NREP: variants seen among roughly 807,000 people sequenced by gnomAD.
NREP encodes neuronal regeneration-related protein.
A neutral mutation model predicts 8.6 loss-of-function variants in NREP; 5 were observed. The observed-to-expected ratio is 0.58, with a 90% CI of 0.30 to 1.22. The LOEUF is 1.22. NREP is among the 50% of genes most tolerant of loss of function. The pLI is 0.07. For missense variants in NREP, 86 were observed against 82.5 expected (o/e 1.04, Z -0.17); for synonymous variants, 27 against 28.0 (o/e 0.96, Z 0.11).
intron 2 of NREP, among the ~76,000 whole-genome samples, chr5:111,939,039 A>G (rs764678193): frequency 6.6e-6 from 1 of 152,044 alleles, no homozygotes; most frequent in Non-Finnish European, 1.5e-5. Context: ...TCTATCTAGG[A>G]TAGACTCACA....
intron 2 of NREP, among the ~76,000 whole-genome samples, chr5:111,943,174 T>C (rs537764541): frequency 6.6e-6 from 1 of 152,176 alleles, no homozygotes. Flanking sequence ...CAATATTATA[T>C]GAATAAAGCT....
chr5:111,782,270 C>T (rs12651873), intron 2 of NREP, among the ~76,000 whole-genome samples: 1 of 152,172 alleles, frequency 6.6e-6, no homozygotes, highest in Non-Finnish European at 1.5e-5. Context: ...ACAAAAAGTT[C>T]TGCAGTATAT....
At chr5:111,805,752 C>A (rs1438392226) in intron 2 of NREP, among the ~76,000 whole-genome samples, 1 of 133,394 alleles carries the variant, frequency 7.5e-6, no homozygotes, top group African/African-American at 2.8e-5. Flanking sequence ...ATGTTTACTA[C>A]ACAGAGATAG....
chr5:111,821,876 AT>A (rs905475604), intron 2 of NREP, among the ~76,000 whole-genome samples: 1 of 151,828 alleles, frequency 6.6e-6, no homozygotes, highest in South Asian at 2.1e-4. Context: ...ATATTTATGT[AT>A]TTTTTTTCTG....
chr5:111,856,554 C>T (rs1162316027), intron 2 of NREP, among the ~76,000 whole-genome samples: 1 of 152,066 alleles, frequency 6.6e-6, no homozygotes, highest in Non-Finnish European at 1.5e-5. Flanking sequence ...ACCAAATCTC[C>T]ATCTGAATTC....
chr5:111,757,101 G>T, intron 1 of NREP, 35 bp downstream of exon 1: 1 of 642,424 alleles, frequency 1.6e-6, no homozygotes, highest in Non-Finnish European at 1.9e-6. Context: ...AGAAACCAGC[G>T]CTCCCAGCCG....
At chr5:111,879,576 A>T (rs1177763204) in intron 2 of NREP, among the ~76,000 whole-genome samples, 1 of 152,150 alleles carries the variant, frequency 6.6e-6, no homozygotes, top group African/African-American at 2.4e-5. Context: ...TATTCCCACC[A>T]TATACTCAGT....
At chr5:111,890,615 G>A (rs1754370412) in intron 2 of NREP, among the ~76,000 whole-genome samples, 1 of 152,210 alleles carries the variant, frequency 6.6e-6, no homozygotes, top group Admixed American at 6.5e-5. Context: ...AGGTTCCCAA[G>A]CCTCAATTGT....
At chr5:111,890,812 C>A (rs544652258) in intron 2 of NREP, among the ~76,000 whole-genome samples, 1 of 152,210 alleles carries the variant, frequency 6.6e-6, no homozygotes, top group Non-Finnish European at 1.5e-5. Context: ...GCCTGACCCA[C>A]GAAACCATTC....
At chr5:111,826,567 C>T (rs1752633377) in intron 2 of NREP, among the ~76,000 whole-genome samples, 1 of 152,206 alleles carries the variant, frequency 6.6e-6, no homozygotes, top group Admixed American at 6.5e-5. Context: ...GACACACCAT[C>T]TTTAAGAACT....
At chr5:111,731,086 A>AAAAG (rs1449672053) in intron 3 of NREP, 40 bp from the exon 4 acceptor site, 2 of 1,598,816 alleles carry the variant, frequency 1.3e-6, no homozygotes, top group African/African-American at 1.3e-5. Context: ...AGACACACAT[A>AAAAG]AAAGACAAAA....
intron 2 of NREP, among the ~76,000 whole-genome samples, chr5:111,931,651 G>C (rs989819458): frequency 6.6e-5 from 10 of 152,092 alleles, no homozygotes; most frequent in African/African-American, 2.4e-4. Flanking sequence ...AAGTTTTGGG[G>C]ACATTTGTTA....
At chr5:111,746,769 C>T (rs1038152202) in intron 2 of NREP, among the ~76,000 whole-genome samples, 43 of 152,074 alleles carry the variant, frequency 2.8e-4, no homozygotes, top group African/African-American at 8.9e-4. Context: ...ACCAAATCCC[C>T]GGAAGTCTAC....
chr5:111,884,598 C>A (rs1328436869), intron 2 of NREP, among the ~76,000 whole-genome samples: 1 of 147,392 alleles, frequency 6.8e-6, no homozygotes, highest in East Asian at 1.9e-4. Flanking sequence ...AAACCGAATC[C>A]AGCAGCACAT....
intron 2 of NREP, among the ~76,000 whole-genome samples, chr5:111,794,567 C>A (rs557416535): frequency 1.3e-5 from 2 of 152,084 alleles, no homozygotes; most frequent in East Asian, 3.9e-4. Context: ...GTGAAAGAAG[C>A]CAATCTGAAG....
chr5:111,914,715 G>C (rs1038830572), intron 2 of NREP, among the ~76,000 whole-genome samples: 9 of 152,070 alleles, frequency 5.9e-5, no homozygotes, highest in African/African-American at 2.2e-4. Flanking sequence ...CAGTGTTAAT[G>C]TTTGTGACGC....
chr5:111,783,952 G>C (rs1751552726), intron 2 of NREP, among the ~76,000 whole-genome samples: 1 of 152,196 alleles, frequency 6.6e-6, no homozygotes, highest in Non-Finnish European at 1.5e-5. Context: ...CACAAGTAGT[G>C]ATAACCTCAG....
At chr5:111,803,253 GT>G (rs1285456340) in intron 2 of NREP, among the ~76,000 whole-genome samples, 1 of 152,118 alleles carries the variant, frequency 6.6e-6, no homozygotes, top group Non-Finnish European at 1.5e-5. Flanking sequence ...ATGAGAGTAG[GT>G]AAACCCTTCA....
chr5:111,766,218 T>A (rs567212382), intron 2 of NREP, among the ~76,000 whole-genome samples: 2 of 152,310 alleles, frequency 1.3e-5, no homozygotes, highest in Non-Finnish European at 2.9e-5. Context: ...AAAGTTTTAC[T>A]TTGGTTGATC....
Sources: gnomAD v4.1 joint callset for allele counts (sites outside exome capture counted in the v4.1 genomes callset) on GRCh38, gnomAD v4.1.1 for gene constraint, MANE v1.5 for transcripts, NCBI Gene and HGNC (gene_info 2026-07-23, HGNC 2026-07-21) for gene names.